LRRC45: variants seen among roughly 807,000 people sequenced by gnomAD.
LRRC45 encodes leucine-rich repeat-containing protein 45.
Under a neutral mutation model 85.4 loss-of-function variants are expected in LRRC45, and 73 were observed. That is an observed-to-expected ratio of 0.85 (90% CI 0.71 to 1.04). The LOEUF (loss-of-function observed/expected upper bound fraction) is 1.04, where lower values mean the gene tolerates loss of function less well. Ranked by LOEUF, LRRC45 falls within the 50% of genes least tolerant of loss-of-function variation. LRRC45 has a pLI of 0.00. For missense variants in LRRC45, 937 were observed against 883.3 expected, an observed-to-expected ratio of 1.06 and a Z score of -0.77; for synonymous variants, 429 against 386.0, an observed-to-expected ratio of 1.11 and a Z score of -1.31.
At chr17:82,029,871 G>A (rs1043851222) in intron 14 of LRRC45, among the ~76,000 whole-genome samples, 194 bp from the exon 15 acceptor site, 3 of 152,216 alleles carry the variant, frequency 2.0e-5, no homozygotes, top group Non-Finnish European at 4.4e-5. Context: ...GATGGGAGGG[G>A]TGGTGTGACC....
intron 16 of LRRC45, 70 bp downstream of exon 16, chr17:82,030,536 C>T: frequency 1.3e-6 from 2 of 1,508,116 alleles, no homozygotes. Flanking sequence ...CGGGGCTGGC[C>T]AGGTCTCCCG....
chr17:82,024,526 C>T (rs527371074), intron 2 of LRRC45, among the ~76,000 whole-genome samples, 167 bp from the exon 3 acceptor site: 1 of 152,262 alleles, frequency 6.6e-6, no homozygotes, highest in East Asian at 1.9e-4. Flanking sequence ...CATTGGCAAA[C>T]AAGCCGGCCC....
At position 82,029,152 on chromosome 17, in the gene LRRC45, G is replaced by A. The variant is rs1385144887; in HGVS notation, c.1368G>A (p.Gln456=). The A allele has an allele frequency of 4.3e-6, 7 of 1,612,204 alleles. No individual in the cohort carries two copies. Among genetic ancestry groups the A allele is most frequent in the South Asian group, 1.1e-5 (1 of 90,946 alleles). ...ESEKAMQERV[Q]RLEAARLSLE... is the part of the protein sequence containing the mutation. ...AGAAGGCCATGCAGGAGCGGGTGCA[G>A]AGGCTGGAGGCGGCGCGGCTGTCCC... Residue 456 remains glutamine, a synonymous_variant, in exon 13 of 17, where the codon CAG becomes CAA. Coordinates refer to ENST00000306688, the MANE Select transcript of LRRC45 (RefSeq NM_144999.4).
At position 82,025,485 on chromosome 17, in the gene LRRC45, T is replaced by C. The variant is rs1439436531; in HGVS notation, c.639T>C (p.Pro213=). 2 of 1,607,634 alleles carry C rather than the reference T, an allele frequency of 1.2e-6. No homozygotes were observed. The highest frequency in any genetic ancestry group is 8.5e-7 in the Non-Finnish European group (1 of 1,177,018). The change falls in exon 5 of 17, where the codon CCT becomes CCC. Residue 213 remains proline (P), a synonymous_variant. Coordinates refer to ENST00000306688, the MANE Select transcript of LRRC45 (RefSeq NM_144999.4). ...TGGACCTGGCTGGGAACAACATCCC[T>C]GGAGACGTCCTCAGAGCCGTGGGTA... The part of the protein sequence containing the change: ...WRLDLAGNNI[P]GDVLRAVEQA...
rs1243463132 is a variant in LRRC45 at position 82,028,257 on chromosome 17, ACTC to A, written c.1075_1077del (p.Leu359del). On this transcript the variant is annotated inframe_deletion, in exon 10 of 17. Coordinates refer to ENST00000306688, the MANE Select transcript of LRRC45 (RefSeq NM_144999.4). ...AGGAAGCTGCAGAGCGGGAGTCTAA[ACTC>A]CTCAGAGACTTGTCTGCTGCCAATG... 2.5e-6 allele frequency: 4 copies of A among 1,578,896 alleles called. No individual in the cohort carries two copies. Among genetic ancestry groups the A allele is most frequent in the African/African-American group, 1.3e-5 (1 of 74,370 alleles).
Position 82,025,005 on chromosome 17 carries a change from C to T in LRRC45, c.359C>T (p.Thr120Met), listed in dbSNP as rs777445398. The change falls in exon 4 of 17, where the codon ACG becomes ATG. Residue 120 changes from threonine to methionine, a missense_variant. By Grantham distance (81) the Thr-to-Met change is moderately conservative (BLOSUM62 -1). Transcript: ENST00000306688. Reference sequence around the variant, plus strand: ...GGCTTCTGCCCCTCCTGCAGCCTCACGCTGGAGTGGAACAGCCTGGGCACG... The same window carrying T: ...GGCTTCTGCCCCTCCTGCAGCCTCATGCTGGAGTGGAACAGCCTGGGCACG... ...LQQNKSIQSL[T>M]LEWNSLGTWD... 1.6e-5 allele frequency: 26 copies of T among 1,578,930 alleles called. No individual in the cohort carries two copies. In the Middle Eastern group the frequency reaches 5.0e-4, roughly 30 times the overall value.
Position 82,025,429 on chromosome 17 carries a change from T to C in LRRC45, c.583T>C (p.Cys195Arg), listed in dbSNP as rs1278029705. Residue 195 changes from cysteine to arginine, a missense_variant, in exon 5 of 17, where the codon TGT becomes CGT. By Grantham distance (180) the Cys-to-Arg change is radical (BLOSUM62 -3). Transcript: ENST00000306688. ...CCTGGGGGGCCGGGCCCTCATGAAC[T>C]GTCTCCCCAGCAACAGAACCCTGTG... ...GLLGGRALMNCLPSNRTLWRL... is the reference protein window; with the variant it reads ...GLLGGRALMNRLPSNRTLWRL... The C allele has an allele frequency of 1.9e-5, 31 of 1,607,652 alleles. No homozygotes were observed. The highest frequency in any genetic ancestry group is 2.4e-5 in the Non-Finnish European group (28 of 1,177,204).
At position 82,028,394 on chromosome 17, in the gene LRRC45, C is replaced by T; in HGVS notation, c.1126-3C>T. 1 of 1,612,416 alleles carries T rather than the reference C, an allele frequency of 6.2e-7. No homozygotes were observed. Among genetic ancestry groups the T allele is most frequent in the Non-Finnish European group, 8.5e-7 (1 of 1,179,882 alleles). On this transcript the variant is annotated splice_region_variant and splice_polypyrimidine_tract_variant and intron_variant, in intron 10 of 16. Coordinates refer to ENST00000306688, the MANE Select transcript of LRRC45 (RefSeq NM_144999.4). ...AGCTTCCCTCCCTGGTGCCGGCTTTCAGGTAGACGAGTTGGAGCGGAAGTT... is the reference window on the plus strand; with the variant it reads ...AGCTTCCCTCCCTGGTGCCGGCTTTTAGGTAGACGAGTTGGAGCGGAAGTT...
chr17:82,024,899 C>T, intron 3 of LRRC45, 101 bp from the exon 4 acceptor site: 1 of 1,441,620 alleles, frequency 6.9e-7, no homozygotes, highest in South Asian at 1.5e-5. Context: ...TAGGCAGAGG[C>T]TCCGGCCCAT....
chr17:82,027,786 C>T (rs184437323), intron 8 of LRRC45, 35 bp downstream of exon 8: 127 of 1,598,816 alleles, frequency 7.9e-5, no homozygotes, highest in South Asian at 2.8e-4. Flanking sequence ...ACTTCAGAGA[C>T]GTGCCCACAG....
intron 3 of LRRC45, 78 bp from the exon 4 acceptor site, chr17:82,024,922 C>T (rs2043354387): frequency 6.9e-7 from 1 of 1,456,890 alleles, no homozygotes; most frequent in Non-Finnish European, 9.1e-7. Flanking sequence ...GACCCCAAGC[C>T]CACACCCGTC....
rs2043345185 is a variant in LRRC45 at position 82,024,283 on chromosome 17, A to T, written c.226A>T (p.Thr76Ser). ...SDCMLSEEGA[T>S]LLLRGLCANT... is the part of the protein sequence containing the mutation. ...CGCCGGCCCCCCTTACACAGGGGCC[A>T]CACTGCTGCTCCGAGGCCTGTGTGC... Residue 76 changes from threonine to serine, a missense_variant, in exon 2 of 17, where the codon ACA (threonine) becomes TCA (serine). Transcript: ENST00000306688. The T allele has an allele frequency of 1.2e-6, 2 of 1,612,090 alleles. No homozygotes were observed. The highest frequency in any genetic ancestry group is 1.7e-6 in the Non-Finnish European group (2 of 1,179,920).
At chr17:82,026,458 C>T (rs772202673) in intron 5 of LRRC45, among the ~76,000 whole-genome samples, 3 of 152,180 alleles carry the variant, frequency 2.0e-5, no homozygotes, top group Non-Finnish European at 4.4e-5. Flanking sequence ...CCGGGTGAGA[C>T]GCTGCCCCAC....
chr17:82,025,247 G>T, intron 4 of LRRC45, 69 bp downstream of exon 4: 1 of 1,535,440 alleles, frequency 6.5e-7, no homozygotes, highest in South Asian at 1.3e-5. Flanking sequence ...GGAAGTGAGG[G>T]GCTAGGGGAC....
chr17:82,024,682 TTC>T lies in LRRC45; in HGVS notation c.283-6_283-5del, dbSNP rs1290986048. 4.5e-6 allele frequency: 7 copies of T among 1,568,878 alleles called. No individual in the cohort carries two copies. In the South Asian group the frequency reaches 5.9e-5, roughly 13 times the overall value. On this transcript the variant is annotated splice_polypyrimidine_tract_variant and intron_variant, in intron 2 of 16. Transcript: ENST00000306688. ...GGCACGCGAGTGACTACCGGCCTGT[TTC>T]TCTCCTAGGGCAACAACCTTCGGGC...
chr17:82,023,560 G>C lies in LRRC45; in HGVS notation c.-84G>C, dbSNP rs989021914. ...GGCGGAGGCCCCGTCTCCTGTACCC[G>C]GCGCTGGGACTGCTCCGCACCGCGC... On this transcript the variant is annotated 5_prime_UTR_variant, in exon 1 of 17. Coordinates refer to ENST00000306688, the MANE Select transcript of LRRC45 (RefSeq NM_144999.4). 46 of 1,271,730 alleles carry C rather than the reference G, an allele frequency of 3.6e-5. No individual in the cohort carries two copies. Among genetic ancestry groups the C allele is most frequent in the Middle Eastern group, 2.8e-4 (1 of 3,582 alleles). The allele number at this position is 1,271,730 out of a possible 1,614,324, so 78.8% of individuals were successfully genotyped here. A position where few individuals can be genotyped will look rare whatever the true frequency, so the allele number is the denominator to read the frequency against.
Position 82,028,628 on chromosome 17 carries a change from A to G in LRRC45, c.1253A>G (p.Glu418Gly), listed in dbSNP as rs1568015725. The change falls in exon 12 of 17, where the codon GAG becomes GGG. Residue 418 changes from glutamate to glycine, a missense_variant. Coordinates refer to ENST00000306688, the MANE Select transcript of LRRC45 (RefSeq NM_144999.4). Reference protein sequence around the residue: ...AIQAEERLDMEKRRCRQSLED... With the variant: ...AIQAEERLDMGKRRCRQSLED... ...GGGCTTCCAGAGCGCCTGGACATGG[A>G]GAAGAGAAGATGCAGACAGAGCCTG... 2.5e-6 allele frequency: 4 copies of G among 1,612,824 alleles called. No homozygotes were observed. The highest frequency in any genetic ancestry group is 3.4e-6 in the Non-Finnish European group (4 of 1,179,898).
Position 82,028,667 on chromosome 17 carries a change from G to A in LRRC45, c.1292G>A (p.Ser431Asn). 6.2e-7 allele frequency: 1 copy of A among 1,612,754 alleles called. No homozygotes were observed. The highest frequency in any genetic ancestry group is 8.5e-7 in the Non-Finnish European group (1 of 1,179,822). Residue 431 changes from serine to asparagine, a missense_variant, in exon 12 of 17, where the codon AGC (serine) becomes AAC (asparagine). Physicochemically the swap from Ser to Asn is conservative, Grantham distance 46. Coordinates refer to ENST00000306688, the MANE Select transcript of LRRC45 (RefSeq NM_144999.4). ...AGACAGAGCCTGGAGGACTCCGAAA[G>A]CCTGCGCATCAAGGAGGTGCCCTCT... ...RCRQSLEDSESLRIKEVEHMT... is the reference protein window; with the variant it reads ...RCRQSLEDSENLRIKEVEHMT...
intron 5 of LRRC45, 55 bp downstream of exon 5, chr17:82,025,562 A>G (rs1281290396): frequency 1.4e-5 from 20 of 1,466,190 alleles, no homozygotes; most frequent in Non-Finnish European, 1.7e-5. Context: ...AGGCCTGTCC[A>G]CCGAGGGCGG....
Sources: gnomAD v4.1 joint callset for allele counts (sites outside exome capture counted in the v4.1 genomes callset) on GRCh38, gnomAD v4.1.1 for gene constraint, MANE v1.5 for transcripts, NCBI Gene and HGNC (gene_info 2026-07-23, HGNC 2026-07-21) for gene names.